The following RNF121 variants were observed in gnomAD, a reference collection of about 807,000 sequenced individuals.
The protein encoded by RNF121 is E3 ubiquitin ligase RNF121.
Under a neutral mutation model 46.5 loss-of-function variants are expected in RNF121, and 21 were observed. That is an observed-to-expected ratio of 0.45 (90% CI 0.32 to 0.65). The LOEUF is 0.65. Among genes scored for constraint, RNF121 ranks in the 30% least tolerant of loss-of-function variants. The pLI is 0.04. For missense variants in RNF121, 346 were observed against 416.0 expected (o/e 0.83, Z 1.46); for synonymous variants, 139 against 144.7 (o/e 0.96, Z 0.28).
At chr11:71,985,308 A>G (rs970397448) in intron 4 of RNF121, among the ~76,000 whole-genome samples, 38 of 152,302 alleles carry the variant, frequency 2.5e-4, no homozygotes, top group African/African-American at 8.7e-4. Context: ...TGGGCTCTGT[A>G]CAACCCAGTA....
At chr11:71,989,645 CAA>C (rs1404476547) in intron 5 of RNF121, among the ~76,000 whole-genome samples, 5 of 152,058 alleles carry the variant, frequency 3.3e-5, no homozygotes, top group African/African-American at 4.8e-5. Context: ...TTTTCTATAA[CAA>C]AGATTTATAG....
rs1322053998 is a variant in RNF121 at position 71,935,983 on chromosome 11, G to A, written c.63+6859G>A. 2.0e-5 allele frequency among the ~76,000 whole-genome samples: 3 copies of A among 151,536 alleles called. No individual in the cohort carries two copies. The East Asian group carries it at 5.8e-4, about 29-fold the overall frequency. On this transcript the variant is annotated intron_variant, in intron 1 of 8. Coordinates refer to ENST00000361756, the MANE Select transcript of RNF121 (RefSeq NM_018320.5). The stretch of plus-strand genomic sequence containing the variant: ...CTGCCTCAGCCTCCTGAGTAGCTGG[G>A]ACTACAGGTGTGTGCCACCACGCCC...
At chr11:71,932,519 A>G (rs1433381876) in intron 1 of RNF121, among the ~76,000 whole-genome samples, 1 of 152,256 alleles carries the variant, frequency 6.6e-6, no homozygotes, top group African/African-American at 2.4e-5. Context: ...CATCTCATGT[A>G]AAAATTGATA....
At chr11:71,955,739 T>C (rs1953976193) in intron 1 of RNF121, among the ~76,000 whole-genome samples, 1 of 152,176 alleles carries the variant, frequency 6.6e-6, no homozygotes, top group Non-Finnish European at 1.5e-5. Context: ...AGTTTTGGCA[T>C]GTAGCTTGAA....
intron 3 of RNF121, among the ~76,000 whole-genome samples, chr11:71,964,148 G>T (rs530441800): frequency 2.6e-5 from 4 of 152,136 alleles, no homozygotes; most frequent in African/African-American, 9.6e-5. Flanking sequence ...CCTGAACACA[G>T]GATATCTTTT....
intron 2 of RNF121, 125 bp from the exon 3 acceptor site, chr11:71,960,625 A>G: frequency 9.0e-7 from 1 of 1,110,806 alleles, no homozygotes; most frequent in Non-Finnish European, 1.3e-6. Flanking sequence ...TTTGTGTGGT[A>G]CCCTGCAGCT....
At chr11:71,942,668 GC>G (rs1468333227) in intron 1 of RNF121, among the ~76,000 whole-genome samples, 1 of 151,654 alleles carries the variant, frequency 6.6e-6, no homozygotes, top group African/African-American at 2.4e-5. Context: ...GGAGGCTGAG[GC>G]AGGAGAATCG....
intron 3 of RNF121, among the ~76,000 whole-genome samples, chr11:71,977,879 T>C (rs1954561384): frequency 1.3e-5 from 2 of 152,218 alleles, no homozygotes; most frequent in Admixed American, 6.5e-5. Flanking sequence ...TTCCACAGCA[T>C]CAGGCACAAG....
In RNF121 at chr11:71,931,095, A is replaced by T. The variant is rs1176265606; in HGVS notation, c.63+1971A>T. ...GTGAGCCGCCGATCTTGTCCTCCCA[A>T]ATGTGCTGGGATTACAGGTGTGAGT... On this transcript the variant is annotated intron_variant, in intron 1 of 8. Coordinates refer to ENST00000361756, the MANE Select transcript of RNF121 (RefSeq NM_018320.5). 4.6e-5 allele frequency among the ~76,000 whole-genome samples: 7 copies of T among 152,082 alleles called. No homozygotes were observed. In the East Asian group the frequency reaches 1.3e-3, roughly 29 times the overall value.
chr11:71,957,370 G>A lies in RNF121; in HGVS notation c.101+106G>A, dbSNP rs1954011920. On this transcript the variant is annotated intron_variant, in intron 2 of 8. Transcript: ENST00000361756. ...GCTTTCTTGTCAGTAGGAGGCAGTG[G>A]CTCATGACCGGTAGGACTGGTCTTT... The A allele has an allele frequency of 1.6e-5, 13 of 791,926 alleles. No homozygotes were observed. The South Asian group carries it at 1.7e-4, about 11-fold the overall frequency. 49.1% of individuals were successfully genotyped at this position (791,926 alleles called of 1,614,324 possible).
At chr11:71,982,502 C>T (rs908754552) in intron 3 of RNF121, among the ~76,000 whole-genome samples, 1 of 152,102 alleles carries the variant, frequency 6.6e-6, no homozygotes, top group Admixed American at 6.6e-5. Context: ...TCATTGCAGT[C>T]AGCCAGCCAA....
At chr11:71,981,342 G>A (rs1250804019) in intron 3 of RNF121, among the ~76,000 whole-genome samples, 2 of 152,158 alleles carry the variant, frequency 1.3e-5, no homozygotes, top group East Asian at 1.9e-4. Context: ...GAGCCACCAC[G>A]GCCAGCCGAG....
chr11:71,970,856 A>AC (rs2134189921), intron 3 of RNF121, among the ~76,000 whole-genome samples: 1 of 152,332 alleles, frequency 6.6e-6, no homozygotes, highest in South Asian at 2.1e-4. Context: ...ATAAGAATAG[A>AC]CAAACAGATC....
Position 71,995,440 on chromosome 11 carries a change from C to A in RNF121, c.762-10C>A. 2 of 1,566,584 alleles carry A rather than the reference C, an allele frequency of 1.3e-6. No homozygotes were observed. The highest frequency in any genetic ancestry group is 1.3e-5 in the African/African-American group (1 of 74,088). On this transcript the variant is annotated splice_polypyrimidine_tract_variant and intron_variant, in intron 7 of 8. Coordinates refer to ENST00000361756, the MANE Select transcript of RNF121 (RefSeq NM_018320.5). ...GGCTCTCACCATTTCCCTTGACCAG[C>A]GGTGCTCAGCTTCCACGAGTTCTGC...
intron 3 of RNF121, among the ~76,000 whole-genome samples, chr11:71,979,964 C>G (rs1457043491): frequency 6.6e-6 from 1 of 152,174 alleles, no homozygotes; most frequent in Non-Finnish European, 1.5e-5. Flanking sequence ...TTTCCATATG[C>G]CACCCTTTTA....
chr11:71,995,492 G>A lies in RNF121; in HGVS notation c.804G>A (p.Lys268=). ...FCIRGWCIVG[K]KQTCPYCKEK... ...TCCGTGGCTGGTGCATCGTGGGAAA[G>A]AAGCAAACGTGTCCCTACTGCAAAG... is the stretch of plus-strand genomic sequence containing the variant. The change falls in exon 8 of 9, where the codon AAG becomes AAA. Residue 268 remains lysine (K), a synonymous_variant. Transcript: ENST00000361756. 2 of 1,594,606 alleles carry A rather than the reference G, an allele frequency of 1.3e-6. No individual in the cohort carries two copies. Among genetic ancestry groups the A allele is most frequent in the South Asian group, 1.1e-5 (1 of 88,270 alleles).
At chr11:71,957,871 A>G (rs1000642120) in intron 2 of RNF121, among the ~76,000 whole-genome samples, 7 of 152,230 alleles carry the variant, frequency 4.6e-5, no homozygotes, top group Admixed American at 3.9e-4. Flanking sequence ...CACGAACTTC[A>G]CAAGGTGACT....
At chr11:71,937,920 G>C (rs7103210) in intron 1 of RNF121, among the ~76,000 whole-genome samples, 126,823 of 152,166 alleles carry the variant, frequency 0.83, 54,237 homozygotes, top group Non-Finnish European at 0.94. Context: ...ACTCCTCAGA[G>C]AAAAATCTGT....
rs1020511553 is a variant in RNF121 at position 71,930,369 on chromosome 11, G to C, written c.63+1245G>C. On this transcript the variant is annotated intron_variant, in intron 1 of 8. Transcript: ENST00000361756. Reference sequence around the variant, plus strand: ...ATTGAAGATGAGGTTCAGAGAAAGGGAGAAGTGGACTTGGGAAGCAATAAG... The same window carrying C: ...ATTGAAGATGAGGTTCAGAGAAAGGCAGAAGTGGACTTGGGAAGCAATAAG... 1.3e-5 allele frequency among the ~76,000 whole-genome samples: 2 copies of C among 152,144 alleles called. 1 individual carries two copies. Among genetic ancestry groups the C allele is most frequent in the South Asian group, 4.1e-4 (2 of 4,832 alleles).
Sources: allele counts gnomAD v4.1 joint callset (sites outside exome capture counted in the v4.1 genomes callset), GRCh38; gene constraint gnomAD v4.1.1; transcripts MANE v1.5; gene names NCBI Gene and HGNC (gene_info 2026-07-23, HGNC 2026-07-21).